Variants in ADGRV1 observed in about 807,000 individuals in gnomAD.
The protein encoded by ADGRV1 is adhesion G protein-coupled receptor V1.
Under a neutral mutation model 596.2 loss-of-function variants are expected in ADGRV1, and 359 were observed. That is an observed-to-expected ratio of 0.60 (90% CI 0.55 to 0.66). ADGRV1 has a LOEUF of 0.66. Ranked by LOEUF, ADGRV1 falls within the 30% of genes least tolerant of loss-of-function variation. The pLI, the probability that ADGRV1 is intolerant of heterozygous loss-of-function variation, is 0.00. For missense variants in ADGRV1, 7,274 were observed against 7,575.6 expected (o/e 0.96, Z 1.48); for synonymous variants, 2,681 against 2,679.2 (o/e 1.00, Z -0.02).
chr5:90,686,387 C>T (rs1745650960), intron 29 of ADGRV1, among the ~76,000 whole-genome samples: 1 of 152,052 alleles, frequency 6.6e-6, no homozygotes, highest in Non-Finnish European at 1.5e-5. Flanking sequence ...ACAACAGTCC[C>T]CAGAGTGTGA....
intron 55 of ADGRV1, 115 bp downstream of exon 55, chr5:90,755,300 TA>T (rs1287043635): frequency 1.5e-6 from 1 of 676,920 alleles, no homozygotes; most frequent in Non-Finnish European, 2.4e-6. Context: ...CTTTTAAACA[TA>T]AAAATGTAAG....
At chr5:90,632,490 C>G (rs560838740) in intron 9 of ADGRV1, among the ~76,000 whole-genome samples, 5 of 152,160 alleles carry the variant, frequency 3.3e-5, no homozygotes, top group Admixed American at 6.5e-5. Flanking sequence ...AAATCTGTAC[C>G]AATATCAGTA....
intron 83 of ADGRV1, chr5:90,929,778 A>T (rs997239470): frequency 6.6e-6 from 1 of 152,204 alleles, no homozygotes; most frequent in Non-Finnish European, 1.5e-5. Context: ...TGATCATATT[A>T]GTTGGTACAG....
At chr5:91,135,414 A>G (rs932080331) in intron 87 of ADGRV1, among the ~76,000 whole-genome samples, 19 of 152,198 alleles carry the variant, frequency 1.2e-4, no homozygotes, top group African/African-American at 4.6e-4. Flanking sequence ...GGCCCAGCCT[A>G]TAAAATCTGA....
At chr5:90,857,277 G>T (rs1767109536) in intron 82 of ADGRV1, among the ~76,000 whole-genome samples, 1 of 151,808 alleles carries the variant, frequency 6.6e-6, no homozygotes, top group African/African-American at 2.4e-5. Context: ...AAAATCAAAA[G>T]ATATAATGTT....
intron 25 of ADGRV1, among the ~76,000 whole-genome samples, chr5:90,676,549 G>A (rs943101177): frequency 1.3e-5 from 2 of 152,048 alleles, no homozygotes; most frequent in Non-Finnish European, 2.9e-5. Flanking sequence ...TTCGCTATGA[G>A]GTTTGGTTAA....
At chr5:91,051,909 T>G (rs1024601024) in intron 85 of ADGRV1, among the ~76,000 whole-genome samples, 2 of 152,192 alleles carry the variant, frequency 1.3e-5, no homozygotes, top group African/African-American at 4.8e-5. Context: ...ACCTTATGTT[T>G]GCTATATAAA....
intron 52 of ADGRV1, among the ~76,000 whole-genome samples, chr5:90,749,881 A>G (rs1755048458): frequency 6.6e-6 from 1 of 152,210 alleles, no homozygotes; most frequent in Admixed American, 6.5e-5. Flanking sequence ...AAGTAATTCT[A>G]TCATAAGGGA....
chr5:90,712,716 G>A (rs372119025), intron 42 of ADGRV1, among the ~76,000 whole-genome samples: 6 of 152,034 alleles, frequency 3.9e-5, no homozygotes, highest in African/African-American at 1.4e-4. Flanking sequence ...TCTTTCCTTT[G>A]GAATTTGAAT....
At chr5:90,667,892 G>T (rs1359156581) in intron 21 of ADGRV1, among the ~76,000 whole-genome samples, 5 of 152,088 alleles carry the variant, frequency 3.3e-5, no homozygotes, top group Non-Finnish European at 7.3e-5. Flanking sequence ...GTGTGCCCCT[G>T]TTGGGGGGTG....
intron 1 of ADGRV1, among the ~76,000 whole-genome samples, chr5:90,595,747 C>T (rs1266766670): frequency 1.5e-3 from 209 of 137,520 alleles, no homozygotes; most frequent in African/African-American, 4.6e-3. Context: ...CGGGCAGAGG[C>T]GCCCCTCACC....
chr5:91,161,982 A>C (rs941706704), intron 89 of ADGRV1, among the ~76,000 whole-genome samples: 2 of 152,228 alleles, frequency 1.3e-5, no homozygotes, highest in Non-Finnish European at 2.9e-5. Context: ...GTTGGGATAC[A>C]TCTATTTGAT....
At chr5:91,094,879 A>G (rs1244845469) in intron 86 of ADGRV1, among the ~76,000 whole-genome samples, 1 of 152,162 alleles carries the variant, frequency 6.6e-6, no homozygotes, top group Non-Finnish European at 1.5e-5. Context: ...ATGTGCTTGG[A>G]GGAAGATAAC....
chr5:90,676,827 G>T (rs1420549077), intron 25 of ADGRV1: 1 of 152,064 alleles, frequency 6.6e-6, no homozygotes, highest in Non-Finnish European at 1.5e-5. Context: ...ATAATGAGTT[G>T]ATTATTAATA....
At chr5:90,926,557 A>C (rs982819491) in intron 83 of ADGRV1, among the ~76,000 whole-genome samples, 1 of 150,992 alleles carries the variant, frequency 6.6e-6, no homozygotes, top group African/African-American at 2.4e-5. Flanking sequence ...GCGGTCTATC[A>C]ATTTTGTTGA....
chr5:90,688,711 G>A (rs1489831005), intron 29 of ADGRV1, among the ~76,000 whole-genome samples: 1 of 152,152 alleles, frequency 6.6e-6, no homozygotes, highest in Non-Finnish European at 1.5e-5. Flanking sequence ...AAGCTATGAT[G>A]ACCAAAATAT....
intron 76 of ADGRV1, among the ~76,000 whole-genome samples, chr5:90,826,604 AAG>A (rs1037029308): frequency 3.7e-4 from 57 of 152,186 alleles, no homozygotes; most frequent in African/African-American, 1.4e-3. Flanking sequence ...GGCCCTTCAT[AAG>A]AGATGGTGAG....
chr5:90,712,506 G>C, intron 42 of ADGRV1, 78 bp downstream of exon 42: 1 of 1,081,606 alleles, frequency 9.2e-7, no homozygotes, highest in Non-Finnish European at 1.3e-6. Context: ...GTAAAGGAAT[G>C]AGAAAGTCTT....
At chr5:90,990,633 C>T (rs912484329) in intron 85 of ADGRV1, among the ~76,000 whole-genome samples, 1 of 152,166 alleles carries the variant, frequency 6.6e-6, no homozygotes, top group Admixed American at 6.5e-5. Flanking sequence ...TACCAGTCCA[C>T]GGCCCTGGGT....
Sources: allele counts gnomAD v4.1 joint callset (sites outside exome capture counted in the v4.1 genomes callset), GRCh38; gene constraint gnomAD v4.1.1; transcripts MANE v1.5; gene names NCBI Gene and HGNC (gene_info 2026-07-23, HGNC 2026-07-21).